SPIN1: variants seen among roughly 807,000 people sequenced by gnomAD.
SPIN1 encodes spindlin 1.
SPIN1 carries 3 observed loss-of-function variants against 26.0 expected under a neutral mutation model. That is an observed-to-expected ratio of 0.12 (90% CI 0.05 to 0.30). The LOEUF is 0.30. Among genes scored for constraint, SPIN1 ranks in the 10% least tolerant of loss-of-function variants. The pLI, the probability that SPIN1 is intolerant of heterozygous loss-of-function variation, is 1.00. For synonymous variants in SPIN1, 101 were observed against 116.5 expected (o/e 0.87, Z 0.86); for missense variants, 126 against 333.4 (o/e 0.38, Z 4.84).
chr9:88,413,623 C>G (rs1827501473), intron 1 of SPIN1, among the ~76,000 whole-genome samples: 1 of 152,082 alleles, frequency 6.6e-6, no homozygotes, highest in Non-Finnish European at 1.5e-5. Flanking sequence ...AAGCAATCAG[C>G]CTGCCTTGGC....
intron 1 of SPIN1, among the ~76,000 whole-genome samples, chr9:88,412,893 A>G (rs1462335411): frequency 6.6e-6 from 1 of 152,046 alleles, no homozygotes; most frequent in Non-Finnish European, 1.5e-5. Flanking sequence ...TATGTTGGCC[A>G]GGCTGGTCTC....
chr9:88,410,366 G>C (rs987537860), intron 1 of SPIN1, among the ~76,000 whole-genome samples: 1 of 151,990 alleles, frequency 6.6e-6, no homozygotes, highest in African/African-American at 2.4e-5. Context: ...TACAGTCCTC[G>C]AGTTTTTTGC....
chr9:88,419,485 A>G (rs924037031), intron 1 of SPIN1, among the ~76,000 whole-genome samples: 11 of 152,280 alleles, frequency 7.2e-5, no homozygotes, highest in East Asian at 3.9e-4. Flanking sequence ...GCACCCTTCT[A>G]TAGAAGTAAA....
Position 88,440,640 on chromosome 9 carries a change from G to A in SPIN1, c.53-8301G>A, listed in dbSNP as rs1042214679. 4.0e-5 allele frequency among the ~76,000 whole-genome samples: 6 copies of A among 149,396 alleles called. 1 individual carries two copies. Among genetic ancestry groups the A allele is most frequent in the Middle Eastern group, 6.8e-3 (2 of 294 alleles). On this transcript the variant is annotated intron_variant, in intron 2 of 5. Coordinates refer to ENST00000375859, the MANE Select transcript of SPIN1 (RefSeq NM_006717.3). ...GTTGCCCAGGCTGGAGTGCAGTGGT[G>A]TGGTCTCAGCGTACTGCAACCTCCG...
At chr9:88,408,288 A>T (rs1264559228) in intron 1 of SPIN1, among the ~76,000 whole-genome samples, 1 of 129,626 alleles carries the variant, frequency 7.7e-6, no homozygotes, top group African/African-American at 2.9e-5. Flanking sequence ...CTGAGAGCCC[A>T]TTTAAGCACT....
At chr9:88,424,003 A>G (rs1245338936) in intron 1 of SPIN1, among the ~76,000 whole-genome samples, 2 of 151,588 alleles carry the variant, frequency 1.3e-5, no homozygotes, top group Non-Finnish European at 2.9e-5. Flanking sequence ...TTTGAGCTCA[A>G]GTGATCTGCC....
chr9:88,411,507 C>A, intron 1 of SPIN1: 1 of 783,244 alleles, frequency 1.3e-6, no homozygotes. Context: ...TCAGCGTCAT[C>A]CATGGGCAGA....
At chr9:88,399,869 C>A (rs903816914) in intron 1 of SPIN1, among the ~76,000 whole-genome samples, 2 of 152,238 alleles carry the variant, frequency 1.3e-5, no homozygotes, top group African/African-American at 4.8e-5. Flanking sequence ...GTAAGGGACC[C>A]GAAGGTTTCT....
intron 2 of SPIN1, among the ~76,000 whole-genome samples, chr9:88,440,819 T>G (rs1030634255): frequency 6.6e-6 from 1 of 151,794 alleles, no homozygotes; most frequent in Non-Finnish European, 1.5e-5. Flanking sequence ...CCTCAGGTGA[T>G]CCACCTGCCT....
At chr9:88,445,674 A>T (rs1400978064) in intron 2 of SPIN1, among the ~76,000 whole-genome samples, 1 of 150,352 alleles carries the variant, frequency 6.7e-6, no homozygotes, top group Admixed American at 6.6e-5. Flanking sequence ...AGAATTACAG[A>T]CGCCCACCAC....
At chr9:88,396,012 A>G (rs1266866424) in intron 1 of SPIN1, among the ~76,000 whole-genome samples, 1 of 151,898 alleles carries the variant, frequency 6.6e-6, no homozygotes, top group Non-Finnish European at 1.5e-5. Flanking sequence ...GCGCCACTGC[A>G]CTCCAGCCTG....
At chr9:88,459,792 C>T (rs1828541596) in intron 3 of SPIN1, among the ~76,000 whole-genome samples, 1 of 152,162 alleles carries the variant, frequency 6.6e-6, no homozygotes, top group African/African-American at 2.4e-5. Flanking sequence ...AGAACAGTAT[C>T]CCCTGCCTTC....
intron 1 of SPIN1, among the ~76,000 whole-genome samples, chr9:88,392,438 T>G (rs912291729): frequency 1.3e-5 from 2 of 152,098 alleles, no homozygotes; most frequent in African/African-American, 4.8e-5. Flanking sequence ...GAAGAGAAGG[T>G]GATTCCATAG....
At chr9:88,449,902 G>A (rs1208982638) in intron 3 of SPIN1, among the ~76,000 whole-genome samples, 1 of 152,196 alleles carries the variant, frequency 6.6e-6, no homozygotes, top group East Asian at 1.9e-4. Context: ...AATAGCTGAA[G>A]AGGATGTGAG....
chr9:88,411,416 A>T, intron 1 of SPIN1: 1 of 1,587,062 alleles, frequency 6.3e-7, no homozygotes, highest in South Asian at 1.1e-5. Flanking sequence ...TCCAATGAAG[A>T]GCTTCCTCAG....
intron 2 of SPIN1, among the ~76,000 whole-genome samples, chr9:88,427,568 A>G (rs1004703964): frequency 6.6e-6 from 1 of 151,932 alleles, no homozygotes; most frequent in Non-Finnish European, 1.5e-5. Context: ...AGTTTTTCTC[A>G]TCTAAAAAAA....
intron 2 of SPIN1, among the ~76,000 whole-genome samples, chr9:88,444,267 G>T (rs1828199094): frequency 7.9e-6 from 1 of 125,890 alleles, no homozygotes; most frequent in African/African-American, 3.2e-5. Context: ...TTGAGACAGA[G>T]TCTCGCTCTG....
At chr9:88,401,340 TTAA>T (rs955709915) in intron 1 of SPIN1, among the ~76,000 whole-genome samples, 1 of 152,024 alleles carries the variant, frequency 6.6e-6, no homozygotes, top group Non-Finnish European at 1.5e-5. Flanking sequence ...TGTGCCACTG[TTAA>T]TAATAAGAGG....
chr9:88,475,537 A>G lies in SPIN1; in HGVS notation c.*260A>G, dbSNP rs557794758. 1 of 312,964 alleles carries G rather than the reference A, an allele frequency of 3.2e-6. No homozygotes were observed. Among genetic ancestry groups the G allele is most frequent in the African/African-American group, 2.1e-5 (1 of 47,066 alleles). 19.4% of individuals were successfully genotyped at this position (312,964 alleles called of 1,614,324 possible). A position where few individuals can be genotyped will look rare whatever the true frequency, so the allele number is the denominator to read the frequency against. On this transcript the variant is annotated 3_prime_UTR_variant, in exon 6 of 6. Transcript: ENST00000375859. ...AGGCAAGTTTGGTAAAAGTTAAGCT[A>G]GTATCATAGTCATTTAAAATTGTAA...
Sources: allele counts gnomAD v4.1 joint callset (sites outside exome capture counted in the v4.1 genomes callset), GRCh38; gene constraint gnomAD v4.1.1; transcripts MANE v1.5; gene names NCBI Gene and HGNC (gene_info 2026-07-23, HGNC 2026-07-21).